ANK3: variants seen among roughly 807,000 people sequenced by gnomAD.
ANK3 encodes the protein ankyrin-3.
Under a neutral mutation model 370.9 loss-of-function variants are expected in ANK3, and 57 were observed. The ratio of observed to expected loss-of-function variants is 0.15; its 90% CI spans 0.12 to 0.19. The LOEUF (loss-of-function observed/expected upper bound fraction) is 0.19, where lower values mean the gene tolerates loss of function less well. ANK3 is among the 10% of genes least tolerant of loss of function. ANK3 has a pLI of 1.00. For missense variants in ANK3, 4,439 were observed against 5,302.1 expected (o/e 0.84, Z 5.06); for synonymous variants, 1,929 against 1,946.3 (o/e 0.99, Z 0.23).
intron 2 of ANK3, among the ~76,000 whole-genome samples, chr10:60,491,778 T>A (rs1352705428): frequency 6.6e-6 from 1 of 152,180 alleles, no homozygotes; most frequent in Non-Finnish European, 1.5e-5. Flanking sequence ...TAAGGTCAAA[T>A]CTCAGTTTTA....
chr10:60,240,191 TATACACAC>T (rs761474101), intron 7 of ANK3, among the ~76,000 whole-genome samples: 2 of 138,652 alleles, frequency 1.4e-5, no homozygotes, highest in African/African-American at 5.8e-5. Flanking sequence ...TACACATATA[TATACACAC>T]ACACATATAT....
chr10:60,261,122 C>A (rs1208819181), intron 7 of ANK3, among the ~76,000 whole-genome samples: 9 of 152,120 alleles, frequency 5.9e-5, no homozygotes, highest in African/African-American at 2.2e-4. Flanking sequence ...AACTGACAGA[C>A]ACAGGGAAAA....
chr10:60,687,848 G>GTA (rs527679425), intron 1 of ANK3, among the ~76,000 whole-genome samples: 17 of 151,802 alleles, frequency 1.1e-4, no homozygotes, highest in South Asian at 4.1e-4. Context: ...AGACAATGTG[G>GTA]TATATATATA....
chr10:60,176,389 GA>G (rs1237005346), intron 18 of ANK3, among the ~76,000 whole-genome samples: 19 of 138,466 alleles, frequency 1.4e-4, no homozygotes, highest in African/African-American at 2.2e-4. Context: ...AAAAAAGAAA[GA>G]AAAAAAAACC....
chr10:60,488,911 T>C (rs1241475493), intron 2 of ANK3, among the ~76,000 whole-genome samples: 1 of 152,272 alleles, frequency 6.6e-6, no homozygotes, highest in South Asian at 2.1e-4. Flanking sequence ...TTATTTGCTA[T>C]GATTTGACAT....
chr10:60,522,478 C>T (rs1285957049), intron 2 of ANK3, among the ~76,000 whole-genome samples: 1 of 151,726 alleles, frequency 6.6e-6, no homozygotes, highest in African/African-American at 2.4e-5. Context: ...CTATATTCCA[C>T]AATTGTTGCT....
At chr10:60,565,657 A>G (rs2077442664) in intron 2 of ANK3, among the ~76,000 whole-genome samples, 1 of 152,196 alleles carries the variant, frequency 6.6e-6, no homozygotes. Flanking sequence ...TCATAAGCTT[A>G]CACCAGGCAG....
rs1043805214 is a variant in ANK3, at chr10:60,451,593, C to G, written c.96+163593G>C. Among the ~76,000 whole-genome samples the G allele has an allele frequency of 5.9e-5, 9 of 152,218 alleles. 1 individual carries two copies. The highest frequency in any genetic ancestry group is 2.2e-4 in the African/African-American group (9 of 41,462). The stretch of plus-strand genomic sequence containing the variant: ...TAAGCTTCACTTCCTACCCAGAACA[C>G]AGAATCAGACTTTTTTGTCTTTTCC... On this transcript the variant is annotated intron_variant, in intron 2 of 43. Coordinates refer to the ANK3 transcript ENST00000373827.
chr10:60,451,143 G>A (rs375945267), intron 2 of ANK3, among the ~76,000 whole-genome samples: 8 of 152,136 alleles, frequency 5.3e-5, no homozygotes, highest in Non-Finnish European at 1.0e-4. Flanking sequence ...AAGGAACACC[G>A]AGGATCCCCA....
chr10:60,377,758 G>A (rs2060992843), intron 1 of ANK3, among the ~76,000 whole-genome samples: 1 of 152,138 alleles, frequency 6.6e-6, no homozygotes, highest in Non-Finnish European at 1.5e-5. Flanking sequence ...TGATAGCCAT[G>A]GCTTCAAGTT....
chr10:60,043,842 A>AAAT, intron 42 of ANK3: 2 of 984,754 alleles, frequency 2.0e-6, no homozygotes, highest in Non-Finnish European at 2.4e-6. Context: ...GTCCCCTATA[A>AAAT]ATGACCTTAT....
chr10:60,064,435 G>T (rs1340770346), intron 38 of ANK3, 147 bp from the exon 39 acceptor site: 5 of 787,826 alleles, frequency 6.3e-6, no homozygotes, highest in Non-Finnish European at 5.8e-6. Context: ...TTATATACTT[G>T]GCTTCATAGC....
At chr10:60,452,610 GA>G (rs1381536211) in intron 2 of ANK3, among the ~76,000 whole-genome samples, 3 of 152,358 alleles carry the variant, frequency 2.0e-5, no homozygotes, top group Non-Finnish European at 4.4e-5. Flanking sequence ...TTCAGAAAGA[GA>G]ATCTTCTCAT....
At chr10:60,483,635 T>G (rs1567080724) in intron 2 of ANK3, among the ~76,000 whole-genome samples, 1 of 152,190 alleles carries the variant, frequency 6.6e-6, no homozygotes, top group Admixed American at 6.5e-5. Context: ...ATAGCAATTT[T>G]AAAATGACAC....
At chr10:60,213,089 T>G (rs573932495) in intron 9 of ANK3, among the ~76,000 whole-genome samples, 2 of 152,106 alleles carry the variant, frequency 1.3e-5, no homozygotes, top group Admixed American at 1.3e-4. Context: ...ACCCAAACGT[T>G]AGAGAGTGTA....
intron 2 of ANK3, among the ~76,000 whole-genome samples, chr10:60,492,922 A>G (rs1248062753): frequency 9.4e-6 from 1 of 106,678 alleles, no homozygotes; most frequent in Non-Finnish European, 2.0e-5. Context: ...TAAAAATACA[A>G]AAAAAAAATT....
chr10:60,499,894 C>A (rs2075754733), intron 2 of ANK3, among the ~76,000 whole-genome samples: 1 of 152,164 alleles, frequency 6.6e-6, no homozygotes, highest in Non-Finnish European at 1.5e-5. Flanking sequence ...ATACTGTTCC[C>A]AAACCCCACC....
chr10:60,069,714 T>G lies in ANK3; in HGVS notation c.11167A>C (p.Lys3723Gln), dbSNP rs2082337491. 6.2e-7 allele frequency: 1 copy of G among 1,613,674 alleles called. No individual in the cohort carries two copies. The highest frequency in any genetic ancestry group is 8.5e-7 in the Non-Finnish European group (1 of 1,179,930). ...KVDPKLRTPI[K>Q]MGISASTMTM... ...ATGGTGGATGCAGAAATTCCCATTT[T>G]TATAGGCGTGCGCAACTTGGGGTCA... Residue 3723 changes from lysine to glutamine, a missense_variant, in exon 37 of 44, where the codon AAA becomes CAA. This residue lies in a region of ANK3 where 496 missense variants were observed against 529.3 expected (regional missense o/e 0.94). Coordinates refer to ENST00000280772, the MANE Select transcript of ANK3 (RefSeq NM_020987.5).
chr10:60,312,147 T>C (rs1352766332), intron 1 of ANK3, among the ~76,000 whole-genome samples: 1 of 152,116 alleles, frequency 6.6e-6, no homozygotes, highest in African/African-American at 2.4e-5. Context: ...GATAAACATA[T>C]CCTAGGCCAA....
Sources: gnomAD v4.1 joint callset for allele counts (sites outside exome capture counted in the v4.1 genomes callset) on GRCh38, gnomAD v4.1.1 for gene constraint, gnomAD v4.1.1 regional missense constraint, MANE v1.5 for transcripts, NCBI Gene and HGNC (gene_info 2026-07-23, HGNC 2026-07-21) for gene names.